The following NUMB variants were observed in gnomAD, a reference collection of about 807,000 sequenced individuals.
The protein encoded by NUMB is NUMB endocytic adaptor protein, also known as protein numb homolog.
In NUMB, 29 loss-of-function variants were observed where a neutral mutation model predicts 59.7. That is an observed-to-expected ratio of 0.49 (90% CI 0.36 to 0.66). The LOEUF is 0.66. Among genes scored for constraint, NUMB ranks in the 30% least tolerant of loss-of-function variants. The pLI, the probability that NUMB is intolerant of heterozygous loss-of-function variation, is 0.00. For synonymous variants in NUMB, 288 were observed against 288.2 expected (o/e 1.00, Z 0.01); for missense variants, 723 against 822.0 (o/e 0.88, Z 1.47).
chr14:73,307,087 A>C (rs2139874426), intron 6 of NUMB, among the ~76,000 whole-genome samples: 1 of 152,310 alleles, frequency 6.6e-6, no homozygotes, highest in South Asian at 2.1e-4. Flanking sequence ...AGGCGGGTGG[A>C]TCACGAGGTC....
At chr14:73,401,421 G>A (rs1315570000) in intron 2 of NUMB, among the ~76,000 whole-genome samples, 1 of 151,610 alleles carries the variant, frequency 6.6e-6, no homozygotes, top group Non-Finnish European at 1.5e-5. Context: ...AAAAAACAGG[G>A]GATGGTACTC....
chr14:73,377,288 G>C (rs1177739502), intron 2 of NUMB, among the ~76,000 whole-genome samples: 1 of 152,196 alleles, frequency 6.6e-6, no homozygotes. Flanking sequence ...TCAAGAGAAT[G>C]AGAAGACAGG....
At chr14:73,351,038 A>G (rs1217709632) in intron 4 of NUMB, among the ~76,000 whole-genome samples, 1 of 152,152 alleles carries the variant, frequency 6.6e-6, no homozygotes, top group Non-Finnish European at 1.5e-5. Context: ...TTGGCTGAGG[A>G]TTGAAAAATT....
chr14:73,414,944 T>A (rs1192685183), intron 1 of NUMB, among the ~76,000 whole-genome samples: 1 of 152,134 alleles, frequency 6.6e-6, no homozygotes, highest in Non-Finnish European at 1.5e-5. Context: ...ATGGTCTCGA[T>A]CTGCTGACCT....
chr14:73,357,880 A>AG (rs1479758543), intron 3 of NUMB, among the ~76,000 whole-genome samples: 1 of 119,442 alleles, frequency 8.4e-6, no homozygotes, highest in Non-Finnish European at 1.8e-5. Context: ...AATTATCCTG[A>AG]GGCCCCCCCC....
intron 9 of NUMB, chr14:73,285,102 C>T (rs1054899267): frequency 2.6e-5 from 4 of 152,138 alleles, no homozygotes; most frequent in African/African-American, 9.7e-5. Context: ...CCTGCCTCCG[C>T]CTCTCAAGGT....
At chr14:73,309,611 G>T (rs1016858746) in intron 6 of NUMB, among the ~76,000 whole-genome samples, 1 of 151,566 alleles carries the variant, frequency 6.6e-6, no homozygotes, top group African/African-American at 2.4e-5. Flanking sequence ...ACACATGCGG[G>T]GTTTAAAACC....
At chr14:73,431,680 CAG>C (rs1355780533) in intron 1 of NUMB, among the ~76,000 whole-genome samples, 2 of 151,800 alleles carry the variant, frequency 1.3e-5, no homozygotes, top group Non-Finnish European at 2.9e-5. Context: ...ACCCAGGAGG[CAG>C]AGGTTGCAGT....
chr14:73,389,324 A>G (rs1895730207), intron 2 of NUMB, among the ~76,000 whole-genome samples: 1 of 147,202 alleles, frequency 6.8e-6, no homozygotes, highest in South Asian at 2.1e-4. Context: ...TCTGTTTTAT[A>G]CATATCTTCT....
In NUMB at chr14:73,440,174, G is replaced by A. The variant is rs1019574957; in HGVS notation, c.-233+18319C>T. 2.0e-5 allele frequency among the ~76,000 whole-genome samples: 3 copies of A among 147,112 alleles called. No individual in the cohort carries two copies. The Admixed American group carries it at 2.1e-4, about 10-fold the overall frequency. ...ACAAAAAGTAATGGTCTCAACTAATGCTGCTGGGACAACTAGATATCCATA... is the reference window on the plus strand; with the variant it reads ...ACAAAAAGTAATGGTCTCAACTAATACTGCTGGGACAACTAGATATCCATA... On this transcript the variant is annotated intron_variant, in intron 1 of 12. Coordinates refer to ENST00000555238, the MANE Select transcript of NUMB (RefSeq NM_001005743.2).
At chr14:73,367,348 T>TAGAGAGAG (rs71112740) in intron 2 of NUMB, among the ~76,000 whole-genome samples, 2,335 of 105,234 alleles carry the variant, frequency 0.022, 48 homozygotes, top group South Asian at 0.059. Flanking sequence ...TATATATATA[T>TAGAGAGAG]AGAGAGAGAG....
At chr14:73,416,598 T>C (rs1316836768) in intron 1 of NUMB, among the ~76,000 whole-genome samples, 2 of 152,164 alleles carry the variant, frequency 1.3e-5, no homozygotes, top group Non-Finnish European at 2.9e-5. Flanking sequence ...CCCATCACTT[T>C]GGGAGGCCAA....
intron 1 of NUMB, among the ~76,000 whole-genome samples, chr14:73,429,944 CAA>C (rs536071845): frequency 1.6e-4 from 19 of 120,696 alleles, no homozygotes; most frequent in Admixed American, 1.7e-4. Flanking sequence ...GACTCTGTCT[CAA>C]AAAAAAAAAA....
intron 6 of NUMB, among the ~76,000 whole-genome samples, chr14:73,313,221 C>T (rs541833221): frequency 1.3e-5 from 2 of 151,796 alleles, no homozygotes; most frequent in Non-Finnish European, 2.9e-5. Flanking sequence ...AACTCCTGAC[C>T]TCAAGCAATC....
chr14:73,424,941 C>G (rs957132344), intron 1 of NUMB, among the ~76,000 whole-genome samples: 1 of 152,226 alleles, frequency 6.6e-6, no homozygotes, highest in Non-Finnish European at 1.5e-5. Context: ...AACCTAAACA[C>G]AGAGGCTGGA....
intron 6 of NUMB, among the ~76,000 whole-genome samples, chr14:73,310,435 T>G (rs1890718992): frequency 6.6e-6 from 1 of 152,338 alleles, no homozygotes. Context: ...GTGGAAGTAT[T>G]CAGGCCATTG....
At chr14:73,290,676 T>C (rs1203940013) in intron 8 of NUMB, among the ~76,000 whole-genome samples, 3 of 152,250 alleles carry the variant, frequency 2.0e-5, no homozygotes, top group Non-Finnish European at 4.4e-5. Flanking sequence ...CGACACTTGC[T>C]GTACATACAG....
chr14:73,411,919 CTTTTTTTT>C (rs935625343), intron 1 of NUMB, among the ~76,000 whole-genome samples: 1 of 106,818 alleles, frequency 9.4e-6, no homozygotes, highest in Non-Finnish European at 1.8e-5. Context: ...CAGCAATTAA[CTTTTTTTT>C]TTTTTTTTTT....
At chr14:73,332,286 C>G (rs1892025389) in intron 4 of NUMB, among the ~76,000 whole-genome samples, 1 of 151,658 alleles carries the variant, frequency 6.6e-6, no homozygotes, top group Non-Finnish European at 1.5e-5. Context: ...GACAGTCTCA[C>G]TCTGTTGCCC....
Sources: allele counts gnomAD v4.1 joint callset (sites outside exome capture counted in the v4.1 genomes callset), GRCh38; gene constraint gnomAD v4.1.1; transcripts MANE v1.5; gene names NCBI Gene and HGNC (gene_info 2026-07-23, HGNC 2026-07-21).